Variants in SLC35D4 observed in about 807,000 individuals in gnomAD.
SLC35D4 encodes the protein UDP-N-acetylglucosamine transporter SLC35D4.
the SLC35D4 span, chr18:23,437,946 G>C: frequency 7.1e-7 from 1 of 1,409,398 alleles, no homozygotes. Flanking sequence ...GGCAGCGGCA[G>C]CAGCCGCCCA....
the SLC35D4 span, among the ~76,000 whole-genome samples, chr18:23,369,815 G>C: frequency 6.6e-6 from 1 of 152,196 alleles, no homozygotes; most frequent in South Asian, 2.1e-4. Flanking sequence ...GTCTCTGGCT[G>C]AATGGAAGAA....
At chr18:23,249,279 G>T in the SLC35D4 span, among the ~76,000 whole-genome samples, 1 of 152,184 alleles carries the variant, frequency 6.6e-6, no homozygotes, top group Admixed American at 6.5e-5. Context: ...AGCACAACAG[G>T]GCATCCCAGG....
the SLC35D4 span, among the ~76,000 whole-genome samples, chr18:23,253,262 C>A: frequency 2.0e-5 from 3 of 152,172 alleles, no homozygotes; most frequent in African/African-American, 7.2e-5. Flanking sequence ...GTGGGCGGAT[C>A]ACCTGAGGTC....
At chr18:23,417,604 T>G in the SLC35D4 span, among the ~76,000 whole-genome samples, 1 of 152,224 alleles carries the variant, frequency 6.6e-6, no homozygotes, top group Non-Finnish European at 1.5e-5. Flanking sequence ...ATAGTTATGA[T>G]GATTGTACAA....
At chr18:23,357,481 A>G in the SLC35D4 span, among the ~76,000 whole-genome samples, 1 of 152,202 alleles carries the variant, frequency 6.6e-6, no homozygotes, top group Non-Finnish European at 1.5e-5. Flanking sequence ...CACAGCAGAT[A>G]GCTTGTCTTC....
the SLC35D4 span, among the ~76,000 whole-genome samples, chr18:23,349,344 GT>G: frequency 6.6e-6 from 1 of 152,154 alleles, no homozygotes; most frequent in Non-Finnish European, 1.5e-5. Context: ...AAAAAAACCT[GT>G]TTTTTGGCCA....
the SLC35D4 span, among the ~76,000 whole-genome samples, chr18:23,410,510 ACTGGGGG>A: frequency 1.4e-5 from 2 of 147,618 alleles, no homozygotes; most frequent in South Asian, 2.1e-4. Flanking sequence ...AAAGTTCGTA[ACTGGGGG>A]CTGGGGGCTG....
the SLC35D4 span, among the ~76,000 whole-genome samples, chr18:23,363,437 C>T: frequency 1.7e-5 from 2 of 119,272 alleles, no homozygotes; most frequent in African/African-American, 3.4e-5. Context: ...TGCAGTGAGG[C>T]GATCTCAGCT....
the SLC35D4 span, among the ~76,000 whole-genome samples, chr18:23,343,796 A>G: frequency 1.3e-5 from 2 of 151,980 alleles, no homozygotes; most frequent in African/African-American, 4.8e-5. Context: ...ATTCCCACTT[A>G]TAAGTGAGAA....
At chr18:23,433,208 C>T in the SLC35D4 span, among the ~76,000 whole-genome samples, 1 of 151,920 alleles carries the variant, frequency 6.6e-6, no homozygotes, top group African/African-American at 2.4e-5. Context: ...TACAGGCACG[C>T]ACCACCATGC....
the SLC35D4 span, among the ~76,000 whole-genome samples, chr18:23,340,922 C>G: frequency 6.6e-6 from 1 of 152,192 alleles, no homozygotes; most frequent in Non-Finnish European, 1.5e-5. Flanking sequence ...CTGAAGTTAA[C>G]AAGAGTAAGA....
chr18:23,319,473 C>T, the SLC35D4 span, among the ~76,000 whole-genome samples: 4 of 151,088 alleles, frequency 2.6e-5, no homozygotes, highest in Non-Finnish European at 4.4e-5. Context: ...GATGGAGTTT[C>T]GCTCTCGTTG....
the SLC35D4 span, among the ~76,000 whole-genome samples, chr18:23,425,409 G>A: frequency 1.3e-5 from 2 of 152,156 alleles, no homozygotes. Context: ...CCAAAAAAAT[G>A]ACTTTATACA....
chr18:23,265,371 C>A, the SLC35D4 span, among the ~76,000 whole-genome samples: 3 of 152,088 alleles, frequency 2.0e-5, no homozygotes, highest in African/African-American at 7.2e-5. Flanking sequence ...AATGCACGAG[C>A]CATCAAGTTC....
the SLC35D4 span, among the ~76,000 whole-genome samples, chr18:23,289,197 A>G: frequency 6.6e-6 from 1 of 152,212 alleles, no homozygotes; most frequent in African/African-American, 2.4e-5. Context: ...AAGCCATCAC[A>G]GCTGATATCT....
chr18:23,349,274 T>G, the SLC35D4 span, among the ~76,000 whole-genome samples: 1 of 152,244 alleles, frequency 6.6e-6, no homozygotes, highest in Admixed American at 6.5e-5. Flanking sequence ...ACACATATGT[T>G]TGTTGCTATA....
At chr18:23,376,869 C>T in the SLC35D4 span, 3 of 456,722 alleles carry the variant, frequency 6.6e-6, no homozygotes, top group South Asian at 4.6e-5. Flanking sequence ...CTCTCTTTGA[C>T]ACCTGCTAGT....
chr18:23,372,389 G>T, the SLC35D4 span, among the ~76,000 whole-genome samples: 2 of 152,110 alleles, frequency 1.3e-5, no homozygotes, highest in African/African-American at 4.8e-5. Flanking sequence ...GACTGCCCTC[G>T]CCTGCTTTCT....
chr18:23,405,342 C>A, the SLC35D4 span, among the ~76,000 whole-genome samples: 1 of 152,106 alleles, frequency 6.6e-6, no homozygotes, highest in South Asian at 2.1e-4. Flanking sequence ...TGCCCACTAC[C>A]ACGCCTGGCT....
Sources: allele counts gnomAD v4.1 joint callset (sites outside exome capture counted in the v4.1 genomes callset), GRCh38; gene constraint gnomAD v4.1.1; transcripts MANE v1.5; gene names NCBI Gene and HGNC (gene_info 2026-07-23, HGNC 2026-07-21).